Variants in PTCHD4 observed in about 807,000 individuals in gnomAD.
PTCHD4 encodes the protein patched domain containing 4.
In PTCHD4, 33 loss-of-function variants were observed where a neutral mutation model predicts 58.1. The ratio of observed to expected loss-of-function variants is 0.57; its 90% CI spans 0.43 to 0.76. PTCHD4 has a LOEUF of 0.76. Among genes scored for constraint, PTCHD4 ranks in the 30% least tolerant of loss-of-function variants. The pLI is 0.00. For missense variants in PTCHD4, 1,058 were observed against 1,027.1 expected, an observed-to-expected ratio of 1.03 and a Z score of -0.41; for synonymous variants, 478 against 409.6, an observed-to-expected ratio of 1.17 and a Z score of -2.02.
At chr6:48,042,237 T>C (rs1379506282) in intron 3 of PTCHD4, among the ~76,000 whole-genome samples, 2 of 152,002 alleles carry the variant, frequency 1.3e-5, no homozygotes, top group Admixed American at 6.6e-5. Context: ...CAATTATTAA[T>C]CGAAATCCAA....
At chr6:48,079,693 C>G (rs1409573769) in intron 1 of PTCHD4, among the ~76,000 whole-genome samples, 1 of 151,226 alleles carries the variant, frequency 6.6e-6, no homozygotes, top group African/African-American at 2.4e-5. Flanking sequence ...AAAAAGCAGA[C>G]CAGTGTTTAG....
In PTCHD4 at chr6:47,869,913, T is replaced by C. The variant is rs1186974733; in HGVS notation, c.*8390A>G. ...TAGAGGAATAAGTTGCATATTATAA[T>C]ATTCTGTGGGGCATTTAATACTAAC... is the stretch of plus-strand genomic sequence containing the variant. On this transcript the variant is annotated 3_prime_UTR_variant, in exon 5 of 5. Coordinates refer to ENST00000339488, the MANE Select transcript of PTCHD4 (RefSeq NM_001384253.1). 1.3e-5 allele frequency among the ~76,000 whole-genome samples: 2 copies of C among 151,580 alleles called. No homozygotes were observed. The highest frequency in any genetic ancestry group is 4.8e-5 in the African/African-American group (2 of 41,384).
At chr6:47,920,233 T>A (rs1314588423) in intron 4 of PTCHD4, among the ~76,000 whole-genome samples, 1 of 152,090 alleles carries the variant, frequency 6.6e-6, no homozygotes, top group Non-Finnish European at 1.5e-5. Context: ...ATTTGGGATA[T>A]AATTTGAAAG....
intron 4 of PTCHD4, among the ~76,000 whole-genome samples, chr6:47,918,895 T>G (rs909513033): frequency 6.6e-6 from 1 of 152,170 alleles, no homozygotes; most frequent in African/African-American, 2.4e-5. Context: ...GTTCAACTTC[T>G]GAGTCCTGGA....
intron 3 of PTCHD4, among the ~76,000 whole-genome samples, chr6:48,024,626 G>A (rs977373077): frequency 1.3e-5 from 2 of 152,058 alleles, no homozygotes; most frequent in African/African-American, 4.8e-5. Context: ...GATCCCTTGG[G>A]ACTTAGAGTC....
chr6:47,901,879 C>T, intron 4 of PTCHD4: 6 of 1,303,288 alleles, frequency 4.6e-6, no homozygotes, highest in South Asian at 1.2e-5. Flanking sequence ...TCCTTCTCTC[C>T]TTTCTTTCTT....
chr6:48,006,261 T>C (rs963841107), intron 4 of PTCHD4, among the ~76,000 whole-genome samples: 1 of 152,176 alleles, frequency 6.6e-6, no homozygotes, highest in African/African-American at 2.4e-5. Context: ...GGGTCTAGAC[T>C]TTTCCCTCAC....
intron 3 of PTCHD4, among the ~76,000 whole-genome samples, chr6:48,057,251 C>T (rs1171811811): frequency 6.6e-6 from 1 of 150,954 alleles, no homozygotes; most frequent in Non-Finnish European, 1.5e-5. Context: ...TATCTCAGGA[C>T]CACTCATGAA....
chr6:48,028,680 G>A (rs962668110), intron 3 of PTCHD4, among the ~76,000 whole-genome samples: 1 of 151,980 alleles, frequency 6.6e-6, no homozygotes, highest in African/African-American at 2.4e-5. Context: ...TTGTGTCTTA[G>A]CAAAATAATT....
rs1581823000 is a variant in PTCHD4, at chr6:47,883,642, T to G, written c.899-3706A>C. Among the ~76,000 whole-genome samples the G allele has an allele frequency of 2.0e-5, 3 of 152,274 alleles. No homozygotes were observed. In the South Asian group the frequency reaches 6.2e-4, roughly 32 times the overall value. On this transcript the variant is annotated intron_variant, in intron 4 of 4. Coordinates refer to ENST00000339488, the MANE Select transcript of PTCHD4 (RefSeq NM_001384253.1). Reference sequence around the variant, plus strand: ...GAGAGATAAAAGTTTAATAAAAGTTTTATTTGTTTAATCCAGGGTTTCCCA... The same window carrying G: ...GAGAGATAAAAGTTTAATAAAAGTTGTATTTGTTTAATCCAGGGTTTCCCA...
At chr6:48,100,248 C>A (rs892620145) in intron 1 of PTCHD4, among the ~76,000 whole-genome samples, 1 of 152,034 alleles carries the variant, frequency 6.6e-6, no homozygotes, top group Non-Finnish European at 1.5e-5. Context: ...ATAGGTATAT[C>A]TTCAAATATG....
At chr6:47,942,726 A>C (rs557570772) in intron 4 of PTCHD4, among the ~76,000 whole-genome samples, 1 of 152,342 alleles carries the variant, frequency 6.6e-6, no homozygotes, top group South Asian at 2.1e-4. Flanking sequence ...CCTAGCAGAC[A>C]TTGCTCAGTT....
Position 47,862,338 on chromosome 6 carries a change from A to G in PTCHD4, c.*15965T>C, listed in dbSNP as rs1374571130. ...TACAACCATTTTCAACACATACTAAATTTTTTTTGTAGGCTGCTTTCCCCC... is the reference window on the plus strand; with the variant it reads ...TACAACCATTTTCAACACATACTAAGTTTTTTTTGTAGGCTGCTTTCCCCC... On this transcript the variant is annotated 3_prime_UTR_variant, in exon 5 of 5. Transcript: ENST00000339488. Among the ~76,000 whole-genome samples, 1 of 151,518 alleles carries G rather than the reference A, an allele frequency of 6.6e-6. No individual in the cohort carries two copies. Among genetic ancestry groups the G allele is most frequent in the Non-Finnish European group, 1.5e-5 (1 of 67,728 alleles).
intron 4 of PTCHD4, among the ~76,000 whole-genome samples, chr6:47,926,811 T>C (rs751206263): frequency 2.6e-5 from 4 of 152,202 alleles, no homozygotes; most frequent in Non-Finnish European, 4.4e-5. Context: ...TCAGGGTAGA[T>C]GTGAGGATTA....
In PTCHD4 at chr6:48,068,323, A is replaced by AGGAT; in HGVS notation, c.323_324insATCC (p.Tyr108Ter). ...TTGGGGAGAGGAGGATCACCCTGCC[A>AGGAT]TACCTCCCAGGGGTGTGTAAGTCCG... is the stretch of plus-strand genomic sequence containing the variant. On this transcript the variant is annotated stop_gained and frameshift_variant, in exon 3 of 5. Transcript: ENST00000339488. LOFTEE classifies it high-confidence loss of function. The surrounding 1 kb of genome is among the most constrained non-coding windows in gnomAD (Gnocchi z 4.2). 6.2e-7 allele frequency: 1 copy of AGGAT among 1,613,620 alleles called. No homozygotes were observed. Among genetic ancestry groups the AGGAT allele is most frequent in the Non-Finnish European group, 8.5e-7 (1 of 1,179,644 alleles).
chr6:47,979,469 C>T (rs950384818), intron 4 of PTCHD4, among the ~76,000 whole-genome samples: 2 of 151,838 alleles, frequency 1.3e-5, no homozygotes, highest in African/African-American at 2.4e-5. Context: ...AGATGAATAG[C>T]TATGTGATAA....
At chr6:48,095,454 C>T (rs987311688) in intron 1 of PTCHD4, among the ~76,000 whole-genome samples, 2 of 152,004 alleles carry the variant, frequency 1.3e-5, no homozygotes, top group Admixed American at 6.6e-5. Flanking sequence ...GAAGCCAAGG[C>T]GGGCGGATCT....
chr6:47,902,492 G>T (rs939147620), intron 4 of PTCHD4, among the ~76,000 whole-genome samples: 1 of 152,158 alleles, frequency 6.6e-6, no homozygotes, highest in Non-Finnish European at 1.5e-5. Context: ...GCATAAATGG[G>T]AAAGTTTGCG....
chr6:47,983,781 T>A (rs1357584694), intron 4 of PTCHD4, among the ~76,000 whole-genome samples: 1 of 152,194 alleles, frequency 6.6e-6, no homozygotes, highest in Non-Finnish European at 1.5e-5. Context: ...GGCTAATCTG[T>A]CAGTCCAGTG....
Sources: allele counts gnomAD v4.1 joint callset (sites outside exome capture counted in the v4.1 genomes callset), GRCh38; gene constraint gnomAD v4.1.1; non-coding constraint Gnocchi (gnomAD v3.1); transcripts MANE v1.5; gene names NCBI Gene and HGNC (gene_info 2026-07-23, HGNC 2026-07-21).